RBMS3: variants seen among roughly 807,000 people sequenced by gnomAD.
The protein encoded by RBMS3 is RNA-binding motif, single-stranded-interacting protein 3.
A neutral mutation model predicts 66.8 loss-of-function variants in RBMS3; 27 were observed. The observed-to-expected ratio is 0.40, with a 90% confidence interval of 0.30 to 0.56. The LOEUF is 0.56. Among genes scored for constraint, RBMS3 ranks in the 20% least tolerant of loss-of-function variants. The pLI is 0.40. For missense variants in RBMS3, 513 were observed against 549.5 expected, an observed-to-expected ratio of 0.93 and a Z score of 0.66; for synonymous variants, 188 against 183.0, an observed-to-expected ratio of 1.03 and a Z score of -0.22.
chr3:29,789,190 A>T (rs1341958467), intron 6 of RBMS3, among the ~76,000 whole-genome samples: 1 of 152,044 alleles, frequency 6.6e-6, no homozygotes, highest in Non-Finnish European at 1.5e-5. Context: ...TAGATTTTTT[A>T]AAATAATGTC....
chr3:29,973,062 A>G (rs770202150), intron 12 of RBMS3, among the ~76,000 whole-genome samples: 5 of 152,120 alleles, frequency 3.3e-5, no homozygotes, highest in Non-Finnish European at 7.4e-5. Context: ...TAGATCAGTC[A>G]GGCCAGTTAA....
At chr3:29,560,666 A>G (rs2046517937) in intron 3 of RBMS3, among the ~76,000 whole-genome samples, 1 of 152,254 alleles carries the variant, frequency 6.6e-6, no homozygotes, top group African/African-American at 2.4e-5. Flanking sequence ...TGATTTTGAA[A>G]GAGAAGAAGA....
At position 29,732,227 on chromosome 3, in the gene RBMS3, G is replaced by A. The variant is rs796638670; in HGVS notation, c.400-7493G>A. ...GCTGTCAGGTTCAAGACTCAAGAAG[G>A]GCTGATATTTCAGTCACGGTCTGAA... On this transcript the variant is annotated intron_variant, in intron 4 of 14. Coordinates refer to ENST00000383767, the MANE Select transcript of RBMS3 (RefSeq NM_001003793.3). 3.9e-5 allele frequency among the ~76,000 whole-genome samples: 6 copies of A among 152,248 alleles called. 1 individual carries two copies. The highest frequency in any genetic ancestry group is 1.4e-4 in the African/African-American group (6 of 41,550).
chr3:29,317,705 A>G (rs533869857), intron 1 of RBMS3, among the ~76,000 whole-genome samples: 14 of 151,934 alleles, frequency 9.2e-5, no homozygotes, highest in Non-Finnish European at 2.1e-4. Flanking sequence ...AATTCTACCT[A>G]TTGATCATAA....
chr3:29,315,197 A>C (rs2034597498), intron 1 of RBMS3, among the ~76,000 whole-genome samples: 1 of 151,842 alleles, frequency 6.6e-6, no homozygotes, highest in African/African-American at 2.4e-5. Flanking sequence ...CATATCTGGA[A>C]TAGTAAGAAA....
intron 4 of RBMS3, among the ~76,000 whole-genome samples, chr3:29,593,351 G>A (rs1037956275): frequency 3.8e-4 from 58 of 152,130 alleles, no homozygotes; most frequent in African/African-American, 1.3e-3. Context: ...TCATTCCTAG[G>A]TAAAGCAGAA....
chr3:29,308,645 A>T (rs1451429359), intron 1 of RBMS3, among the ~76,000 whole-genome samples: 2 of 151,568 alleles, frequency 1.3e-5, no homozygotes, highest in African/African-American at 4.8e-5. Flanking sequence ...TAAATAATTT[A>T]TAGAATTACA....
chr3:29,997,188 G>A (rs1416436380), intron 14 of RBMS3, among the ~76,000 whole-genome samples: 1 of 152,028 alleles, frequency 6.6e-6, no homozygotes, highest in Non-Finnish European at 1.5e-5. Context: ...TAAATTCCTG[G>A]ACACATACAC....
chr3:29,714,721 T>C (rs2053316587), intron 4 of RBMS3, among the ~76,000 whole-genome samples: 1 of 150,138 alleles, frequency 6.7e-6, no homozygotes, highest in African/African-American at 2.5e-5. Flanking sequence ...ATAGTTTAGA[T>C]ATCCACAGAT....
At chr3:29,606,834 GA>G (rs140268743) in intron 4 of RBMS3, among the ~76,000 whole-genome samples, 1,547 of 151,940 alleles carry the variant, frequency 0.01, 21 homozygotes, top group African/African-American at 0.036. Flanking sequence ...ATAAAACATA[GA>G]AAAAATTCTA....
intron 1 of RBMS3, among the ~76,000 whole-genome samples, chr3:29,373,273 A>C (rs1575646551): frequency 6.6e-6 from 1 of 152,270 alleles, no homozygotes; most frequent in Non-Finnish European, 1.5e-5. Flanking sequence ...TCAGGGTAGA[A>C]GCAGCTTCTG....
intron 10 of RBMS3, among the ~76,000 whole-genome samples, chr3:29,901,109 C>T (rs1019517888): frequency 3.3e-5 from 5 of 151,638 alleles, no homozygotes; most frequent in Non-Finnish European, 7.4e-5. Flanking sequence ...ATTTACACAC[C>T]TTGAGGGCTT....
chr3:29,980,227 A>G (rs372619910), intron 12 of RBMS3, among the ~76,000 whole-genome samples: 12 of 152,162 alleles, frequency 7.9e-5, no homozygotes, highest in African/African-American at 2.9e-4. Context: ...GGCCACACAA[A>G]TGTCTTCTTT....
chr3:29,350,669 C>T (rs2036856139), intron 1 of RBMS3, among the ~76,000 whole-genome samples: 1 of 152,084 alleles, frequency 6.6e-6, no homozygotes, highest in Non-Finnish European at 1.5e-5. Flanking sequence ...TAATCAGCAT[C>T]GCGAATATGG....
chr3:29,287,958 A>T (rs1269807339), intron 1 of RBMS3, among the ~76,000 whole-genome samples: 1 of 152,058 alleles, frequency 6.6e-6, no homozygotes, highest in African/African-American at 2.4e-5. Context: ...ATCTGGTCTT[A>T]TTAAAAATGT....
intron 1 of RBMS3, chr3:29,391,058 A>G: frequency 2.6e-6 from 1 of 382,166 alleles, no homozygotes; most frequent in Non-Finnish European, 5.7e-6. Context: ...TGTGCTGAAC[A>G]GCAAATCAAC....
intron 3 of RBMS3, among the ~76,000 whole-genome samples, chr3:29,579,458 G>T (rs966185313): frequency 5.9e-5 from 9 of 152,194 alleles, no homozygotes; most frequent in African/African-American, 2.2e-4. Context: ...CTAGAGCAAG[G>T]GGGAGGGAAG....
Position 29,306,228 on chromosome 3 carries a change from C to T in RBMS3, c.75+24472C>T, listed in dbSNP as rs189385382. ...ATTGGATATGGTTTTGGTTCAATTG[C>T]TTATCAAAGGGTAAGGCACCTGGAC... On this transcript the variant is annotated intron_variant, in intron 1 of 14. Coordinates refer to ENST00000383767, the MANE Select transcript of RBMS3 (RefSeq NM_001003793.3). Among the ~76,000 whole-genome samples, 29 of 152,014 alleles carry T rather than the reference C, an allele frequency of 1.9e-4. No individual in the cohort carries two copies. The East Asian group carries it at 5.5e-3, about 29-fold the overall frequency.
At chr3:29,507,411 A>G (rs1291815917) in intron 3 of RBMS3, among the ~76,000 whole-genome samples, 2 of 152,128 alleles carry the variant, frequency 1.3e-5, no homozygotes, top group Non-Finnish European at 2.9e-5. Flanking sequence ...GGTTAAAACT[A>G]TAGAGTATTT....
Sources: allele counts gnomAD v4.1 joint callset (sites outside exome capture counted in the v4.1 genomes callset), GRCh38; gene constraint gnomAD v4.1.1; transcripts MANE v1.5; gene names NCBI Gene and HGNC (gene_info 2026-07-23, HGNC 2026-07-21).